The following ATP6V0A4 variants were observed in gnomAD, a reference collection of about 807,000 sequenced individuals.
ATP6V0A4 encodes V-type proton ATPase 116 kDa subunit a 4.
In ATP6V0A4, 86 loss-of-function variants were observed where a neutral mutation model predicts 107.3. The observed-to-expected ratio is 0.80, with a 90% confidence interval of 0.67 to 0.96. The LOEUF is 0.96. Among genes scored for constraint, ATP6V0A4 ranks in the 40% least tolerant of loss-of-function variants. The pLI is 0.00. For missense variants in ATP6V0A4, 908 were observed against 1,045.6 expected, an observed-to-expected ratio of 0.87 and a Z score of 1.81; for synonymous variants, 353 against 381.4, an observed-to-expected ratio of 0.93 and a Z score of 0.87.
intron 20 of ATP6V0A4, among the ~76,000 whole-genome samples, chr7:138,710,904 C>A (rs1584885284): frequency 1.3e-5 from 2 of 152,250 alleles, no homozygotes; most frequent in East Asian, 3.9e-4. Context: ...AAATTAAGAG[C>A]CAAGTCAGAG....
chr7:138,741,182 G>A (rs558992149), intron 14 of ATP6V0A4, among the ~76,000 whole-genome samples: 16 of 152,226 alleles, frequency 1.1e-4, no homozygotes, highest in Middle Eastern at 3.4e-3. Flanking sequence ...ATAATGAAAT[G>A]TGAAGAGCAG....
chr7:138,771,119 C>T lies in ATP6V0A4; in HGVS notation c.117+12G>A, dbSNP rs114811306. 3.3e-5 allele frequency: 54 copies of T among 1,612,270 alleles called. No homozygotes were observed. In the African/African-American group the frequency reaches 7.1e-4, roughly 21 times the overall value. On this transcript the variant is annotated intron_variant, in intron 3 of 21. Transcript: ENST00000310018. The stretch of plus-strand genomic sequence containing the variant: ...CTGCCTTCCTCTTATCTCCAAAGAA[C>T]TCAGTACCTACATCTTTGAACTGAA...
At chr7:138,783,505 C>T (rs889099733) in intron 2 of ATP6V0A4, among the ~76,000 whole-genome samples, 9 of 152,012 alleles carry the variant, frequency 5.9e-5, no homozygotes, top group East Asian at 1.9e-4. Flanking sequence ...GCAGGAGGAT[C>T]GCTTGAGCCC....
chr7:138,752,418 A>C (rs879428546), intron 11 of ATP6V0A4, among the ~76,000 whole-genome samples: 1 of 152,070 alleles, frequency 6.6e-6, no homozygotes, highest in African/African-American at 2.4e-5. Flanking sequence ...AAGGTCAAAA[A>C]ATGGTGAACA....
chr7:138,712,386 C>A (rs962979908), intron 20 of ATP6V0A4, among the ~76,000 whole-genome samples: 2 of 152,252 alleles, frequency 1.3e-5, no homozygotes, highest in African/African-American at 2.4e-5. Context: ...CCAGAGGACA[C>A]CCCAACACAT....
At chr7:138,774,701 T>TA (rs577257303) in intron 2 of ATP6V0A4, among the ~76,000 whole-genome samples, 2 of 147,696 alleles carry the variant, frequency 1.4e-5, no homozygotes, top group South Asian at 4.2e-4. Context: ...CATATGTATA[T>TA]ACGTGTGTAT....
intron 15 of ATP6V0A4, among the ~76,000 whole-genome samples, chr7:138,738,460 C>T (rs991704635): frequency 1.3e-5 from 2 of 152,176 alleles, no homozygotes; most frequent in African/African-American, 4.8e-5. Context: ...AGATCATCCC[C>T]GTCTAGATTC....
At chr7:138,759,155 G>T (rs1421787353) in intron 8 of ATP6V0A4, among the ~76,000 whole-genome samples, 1 of 148,956 alleles carries the variant, frequency 6.7e-6, no homozygotes, top group African/African-American at 2.5e-5. Flanking sequence ...GACCTCCTGG[G>T]CTCAAGTTGT....
intron 12 of ATP6V0A4, 77 bp downstream of exon 12, chr7:138,749,090 C>T (rs1806099485): frequency 1.3e-6 from 2 of 1,574,358 alleles, no homozygotes; most frequent in South Asian, 1.1e-5. Context: ...AAGTTCACCA[C>T]CTCGGTCACC....
chr7:138,726,445 C>T (rs1252194600), intron 18 of ATP6V0A4, among the ~76,000 whole-genome samples: 1 of 152,238 alleles, frequency 6.6e-6, no homozygotes, highest in African/African-American at 2.4e-5. Context: ...TGTGTACTCA[C>T]TCGCTGCCCA....
chr7:138,766,210 T>A (rs1217358222), intron 5 of ATP6V0A4, among the ~76,000 whole-genome samples: 1 of 84,826 alleles, frequency 1.2e-5, no homozygotes. Context: ...ATTATTTTTT[T>A]TTTTTTTTTG....
intron 18 of ATP6V0A4, among the ~76,000 whole-genome samples, chr7:138,724,370 G>GCATCCTATATCAT (rs1804603439): frequency 1.3e-5 from 2 of 152,154 alleles, no homozygotes; most frequent in Non-Finnish European, 1.5e-5. Flanking sequence ...TATATCATGA[G>GCATCCTATATCAT]GGCCTTGTAT....
intron 15 of ATP6V0A4, 152 bp downstream of exon 15, chr7:138,739,388 G>C (rs746988371): frequency 2.5e-5 from 24 of 942,938 alleles, no homozygotes; most frequent in Non-Finnish European, 3.5e-5. Context: ...CTTGACTCTG[G>C]CTCTATGTGT....
intron 1 of ATP6V0A4, among the ~76,000 whole-genome samples, chr7:138,792,778 G>GTTT (rs1365254498): frequency 2.1e-5 from 1 of 48,018 alleles, no homozygotes. Flanking sequence ...TTTTTTTTTT[G>GTTT]TTGTTTTGTT....
At chr7:138,746,731 T>G (rs1378513104) in intron 13 of ATP6V0A4, among the ~76,000 whole-genome samples, 1 of 151,642 alleles carries the variant, frequency 6.6e-6, no homozygotes, top group African/African-American at 2.4e-5. Context: ...CTCGAACCCC[T>G]GATCTCAAAT....
intron 20 of ATP6V0A4, among the ~76,000 whole-genome samples, chr7:138,710,844 A>G (rs1438998067): frequency 6.6e-6 from 1 of 152,066 alleles, no homozygotes. Context: ...AACATCTTAT[A>G]CGTAGTTTCA....
At chr7:138,718,920 C>G (rs190270870) in intron 19 of ATP6V0A4, among the ~76,000 whole-genome samples, 1 of 152,118 alleles carries the variant, frequency 6.6e-6, no homozygotes, top group Non-Finnish European at 1.5e-5. Flanking sequence ...TGTGGTGGCT[C>G]ATGCCTGTAA....
At chr7:138,715,065 G>A (rs540330888) in intron 20 of ATP6V0A4, among the ~76,000 whole-genome samples, 1 of 152,306 alleles carries the variant, frequency 6.6e-6, no homozygotes, top group South Asian at 2.1e-4. Flanking sequence ...ACAGAATGCA[G>A]GCAGCCTCAA....
intron 15 of ATP6V0A4, among the ~76,000 whole-genome samples, chr7:138,735,440 C>T (rs987119045): frequency 3.3e-5 from 5 of 152,180 alleles, no homozygotes; most frequent in African/African-American, 1.2e-4. Context: ...TGTTAAGGGG[C>T]CAACATCCAA....
Sources: gnomAD v4.1 joint callset for allele counts (sites outside exome capture counted in the v4.1 genomes callset) on GRCh38, gnomAD v4.1.1 for gene constraint, MANE v1.5 for transcripts, NCBI Gene and HGNC (gene_info 2026-07-23, HGNC 2026-07-21) for gene names.